MED4: variants seen among roughly 807,000 people sequenced by gnomAD.
The protein encoded by MED4 is mediator complex subunit 4.
MED4 carries 21 observed loss-of-function variants against 35.0 expected under a neutral mutation model. The ratio of observed to expected loss-of-function variants is 0.60; its 90% CI spans 0.43 to 0.86. MED4 has a LOEUF of 0.86. Ranked by LOEUF, MED4 falls within the 40% of genes least tolerant of loss-of-function variation. The pLI, the probability that MED4 is intolerant of heterozygous loss-of-function variation, is 0.00. For synonymous variants in MED4, 138 were observed against 114.0 expected, an observed-to-expected ratio of 1.21 and a Z score of -1.34; for missense variants, 300 against 319.4, an observed-to-expected ratio of 0.94 and a Z score of 0.46.
intron 4 of MED4, among the ~76,000 whole-genome samples, chr13:48,083,164 T>C (rs894373167): frequency 2.0e-5 from 3 of 152,256 alleles, no homozygotes; most frequent in Non-Finnish European, 2.9e-5. Context: ...CTTGTATTAA[T>C]TGCTTTTTAT....
At chr13:48,081,779 A>C in intron 4 of MED4, 48 bp from the exon 5 acceptor site, 2 of 1,209,128 alleles carry the variant, frequency 1.7e-6, no homozygotes, top group Non-Finnish European at 2.3e-6. Flanking sequence ...TAACAAACAT[A>C]CAAGTTTAGA....
chr13:48,091,382 G>A (rs1279664074), intron 1 of MED4, among the ~76,000 whole-genome samples: 3 of 152,204 alleles, frequency 2.0e-5, no homozygotes, highest in Admixed American at 2.0e-4. Flanking sequence ...AAATTATGCA[G>A]AAGGGGCAGC....
intron 1 of MED4, among the ~76,000 whole-genome samples, chr13:48,091,692 G>A (rs1950891299): frequency 1.3e-5 from 2 of 152,000 alleles, no homozygotes; most frequent in South Asian, 4.1e-4. Flanking sequence ...AGATACTTGG[G>A]GTATCAAAGT....
In MED4 at chr13:48,075,812, T is replaced by C. The variant is rs1439970703; in HGVS notation, c.*1327A>G. 6.6e-6 allele frequency: 1 copy of C among 152,214 alleles called. No homozygotes were observed. Among genetic ancestry groups the C allele is most frequent in the Non-Finnish European group, 1.5e-5 (1 of 68,036 alleles). The allele number at this position is 152,214 out of a possible 1,614,324, so 9.4% of individuals were successfully genotyped here. A position where few individuals can be genotyped will look rare whatever the true frequency, so the allele number is the denominator to read the frequency against. ...GACAAGGCAAGGTTAAAATTAGATATTGTGTTAGTCCATTCCTAAAAATAA... is the reference window on the plus strand; with the variant it reads ...GACAAGGCAAGGTTAAAATTAGATACTGTGTTAGTCCATTCCTAAAAATAA... On this transcript the variant is annotated 3_prime_UTR_variant, in exon 7 of 7. Transcript: ENST00000258648.
chr13:48,095,043 C>T lies in MED4; in HGVS notation c.36G>A (p.Glu12=). ...AASSSGEKEK[E]RLGGGLGVAG... ...CCACTCCCAAACCGCCTCCCAGCCG[C>T]TCCTTCTCCTTCTCACCACTCGAAG... The change falls in exon 1 of 7, where the codon GAG becomes GAA. Residue 12 remains glutamate, a synonymous_variant. Transcript: ENST00000258648. 6.2e-7 allele frequency: 1 copy of T among 1,605,872 alleles called. No homozygotes were observed.
intron 2 of MED4, among the ~76,000 whole-genome samples, chr13:48,086,943 G>A (rs988866704): frequency 7.9e-5 from 12 of 151,898 alleles, no homozygotes; most frequent in African/African-American, 2.2e-4. Flanking sequence ...TTACTCAGCA[G>A]GCTGAGGCAG....
chr13:48,083,501 C>T (rs1453662694), intron 3 of MED4, 73 bp from the exon 4 acceptor site: 2 of 1,229,900 alleles, frequency 1.6e-6, no homozygotes, highest in African/African-American at 3.0e-5. Context: ...GCTTAATTCA[C>T]AAGATCCTTT....
At chr13:48,087,108 G>A (rs1208898524) in intron 2 of MED4, among the ~76,000 whole-genome samples, 2 of 151,898 alleles carry the variant, frequency 1.3e-5, no homozygotes, top group African/African-American at 4.8e-5. Flanking sequence ...GCTCACGCCT[G>A]TAATCCTAGC....
intron 4 of MED4, among the ~76,000 whole-genome samples, chr13:48,082,520 A>G (rs1368054812): frequency 2.6e-5 from 4 of 152,184 alleles, no homozygotes; most frequent in African/African-American, 9.7e-5. Flanking sequence ...AGCCTAACCT[A>G]ACTCTCAAAA....
At chr13:48,078,029 ACTG>A (rs1409335206) in intron 6 of MED4, among the ~76,000 whole-genome samples, 1 of 152,184 alleles carries the variant, frequency 6.6e-6, no homozygotes, top group Non-Finnish European at 1.5e-5. Flanking sequence ...TGATAGAGGA[ACTG>A]CTATTGTAAG....
intron 6 of MED4, among the ~76,000 whole-genome samples, chr13:48,079,559 G>A (rs1008560268): frequency 2.0e-5 from 3 of 151,934 alleles, no homozygotes; most frequent in African/African-American, 7.3e-5. Context: ...GGCCAACAGA[G>A]CGAAACCCCA....
rs1950760768 is a variant in MED4, at chr13:48,076,609, T to C, written c.*530A>G. ...GTACAAACAAATTTATTTACAAAAA[T>C]TACAATTACAAACTGTACAAATTGA... is the stretch of plus-strand genomic sequence containing the variant. On this transcript the variant is annotated 3_prime_UTR_variant, in exon 7 of 7. Coordinates refer to ENST00000258648, the MANE Select transcript of MED4 (RefSeq NM_014166.4). The C allele has an allele frequency of 5.9e-5, 9 of 152,078 alleles. No homozygotes were observed. The highest frequency in any genetic ancestry group is 5.9e-4 in the Admixed American group (9 of 15,270). 9.4% of individuals were successfully genotyped at this position (152,078 alleles called of 1,614,324 possible).
chr13:48,083,500 A>C, intron 3 of MED4, 72 bp from the exon 4 acceptor site: 1 of 1,235,954 alleles, frequency 8.1e-7, no homozygotes, highest in Non-Finnish European at 1.2e-6. Flanking sequence ...GGCTTAATTC[A>C]CAAGATCCTT....
At chr13:48,094,915 G>C (rs754869380) in intron 1 of MED4, 39 bp downstream of exon 1, 1 of 1,593,686 alleles carries the variant, frequency 6.3e-7, no homozygotes, top group Non-Finnish European at 8.5e-7. Context: ...TCAGTCCCCC[G>C]GCCCAGCTCC....
chr13:48,088,334 A>T (rs1395313448), intron 2 of MED4, among the ~76,000 whole-genome samples: 2 of 152,254 alleles, frequency 1.3e-5, no homozygotes, highest in Non-Finnish European at 2.9e-5. Flanking sequence ...TCCTTTTGAC[A>T]TGAAGTTCTT....
intron 4 of MED4, among the ~76,000 whole-genome samples, chr13:48,082,944 C>T (rs1338841022): frequency 6.6e-6 from 1 of 152,204 alleles, no homozygotes; most frequent in Non-Finnish European, 1.5e-5. Flanking sequence ...AAGGGTATAA[C>T]TGGCTCTGAC....
intron 5 of MED4, among the ~76,000 whole-genome samples, chr13:48,080,396 CAAAAAAA>C (rs57198503): frequency 8.7e-5 from 6 of 68,816 alleles, no homozygotes; most frequent in South Asian, 5.8e-4. Flanking sequence ...GACCCTGTCT[CAAAAAAA>C]AAAAAAAAAA....
At chr13:48,090,231 G>A (rs1036051162) in intron 2 of MED4, 121 bp downstream of exon 2, 13 of 738,376 alleles carry the variant, frequency 1.8e-5, no homozygotes, top group Non-Finnish European at 2.9e-5. Context: ...TAACTTAAAA[G>A]GATCCAACAT....
chr13:48,078,100 A>T (rs957626317), intron 6 of MED4, among the ~76,000 whole-genome samples: 1 of 152,214 alleles, frequency 6.6e-6, no homozygotes, highest in African/African-American at 2.4e-5. Context: ...ACCTTAAAAA[A>T]GGGCCCAAGT....
Sources: gnomAD v4.1 joint callset for allele counts (sites outside exome capture counted in the v4.1 genomes callset) on GRCh38, gnomAD v4.1.1 for gene constraint, MANE v1.5 for transcripts, NCBI Gene and HGNC (gene_info 2026-07-23, HGNC 2026-07-21) for gene names.